Variants in MYBPC1 observed in about 807,000 individuals in gnomAD.
The protein encoded by MYBPC1 is myosin binding protein C1, also known as myosin-binding protein C, slow-type.
A neutral mutation model predicts 147.1 loss-of-function variants in MYBPC1; 52 were observed. The ratio of observed to expected loss-of-function variants is 0.35; its 90% CI spans 0.28 to 0.45. The LOEUF is 0.45. MYBPC1 is among the 20% of genes least tolerant of loss of function. The probability of loss-of-function intolerance (pLI) is 1.00; values close to 1 mark genes in which losing one functional copy is unlikely to be tolerated. For missense variants in MYBPC1, 1,228 were observed against 1,440.3 expected (o/e 0.85, Z 2.39); for synonymous variants, 477 against 475.9 (o/e 1.00, Z -0.03).
At chr12:101,646,959 GA>G (rs981668167) in intron 13 of MYBPC1, 72 bp downstream of exon 13, 3 of 1,574,880 alleles carry the variant, frequency 1.9e-6, no homozygotes, top group African/African-American at 2.7e-5. Context: ...TGATCAAAGT[GA>G]AAGTAACTGA....
chr12:101,609,488 G>T (rs1001140558), intron 1 of MYBPC1, among the ~76,000 whole-genome samples: 6 of 151,710 alleles, frequency 4.0e-5, no homozygotes, highest in African/African-American at 1.2e-4. Flanking sequence ...TCATTACGTT[G>T]CCCAGGTAGG....
intron 5 of MYBPC1, among the ~76,000 whole-genome samples, chr12:101,628,404 A>G (rs1359987620): frequency 6.6e-6 from 1 of 152,240 alleles, no homozygotes; most frequent in African/African-American, 2.4e-5. Flanking sequence ...GTTTAAAAAT[A>G]TGTAATCACA....
chr12:101,628,237 T>A (rs1308061961), intron 5 of MYBPC1: 3 of 259,974 alleles, frequency 1.2e-5, no homozygotes, highest in Non-Finnish European at 2.3e-5. Context: ...GAGGACCTAA[T>A]ATGATCCTAT....
At chr12:101,682,534 A>C (rs1456895601) in intron 29 of MYBPC1, 70 bp from the exon 30 acceptor site, 45 of 1,406,952 alleles carry the variant, frequency 3.2e-5, no homozygotes, top group Non-Finnish European at 4.2e-5. Flanking sequence ...AATCAAGTTG[A>C]GTTGTGAAAA....
chr12:101,619,690 C>T (rs139391791), intron 3 of MYBPC1, among the ~76,000 whole-genome samples: 36 of 152,276 alleles, frequency 2.4e-4, no homozygotes, highest in African/African-American at 7.7e-4. Context: ...CACTGTAAGA[C>T]CAACTTGCCT....
At chr12:101,641,942 G>A (rs1004770718) in intron 10 of MYBPC1, among the ~76,000 whole-genome samples, 1 of 151,770 alleles carries the variant, frequency 6.6e-6, no homozygotes, top group Admixed American at 6.6e-5. Context: ...TATTTGTACT[G>A]TCTCCATATT....
At chr12:101,634,820 T>A (rs938247381) in intron 9 of MYBPC1, among the ~76,000 whole-genome samples, 4 of 152,254 alleles carry the variant, frequency 2.6e-5, no homozygotes, top group Non-Finnish European at 5.9e-5. Context: ...GTTCTTGTTA[T>A]AAAGAAGTTC....
intron 1 of MYBPC1, among the ~76,000 whole-genome samples, chr12:101,605,680 G>A (rs1593613419): frequency 6.6e-6 from 1 of 152,086 alleles, no homozygotes; most frequent in Non-Finnish European, 1.5e-5. Context: ...GGCCAACATG[G>A]TGAAACCTTG....
In MYBPC1 at chr12:101,651,532, G is replaced by C. The variant is rs185836110; in HGVS notation, c.1526+139G>C. 8.8e-4 allele frequency: 968 copies of C among 1,100,358 alleles called. 2 individuals carry two copies. The highest frequency in any genetic ancestry group is 2.3e-3 in the South Asian group (174 of 76,742). The allele number at this position is 1,100,358 out of a possible 1,614,324, so 68.2% of individuals were successfully genotyped here. On this transcript the variant is annotated intron_variant, in intron 16 of 31. Coordinates refer to ENST00000361466, the MANE Select transcript of MYBPC1 (RefSeq NM_002465.4). ...ATTCCTGATTCTTCGCTTCCAACTA[G>C]CAAGAAGGTGTGATTTCTCTGTTGT...
intron 3 of MYBPC1, among the ~76,000 whole-genome samples, chr12:101,618,856 T>C (rs944182488): frequency 1.2e-5 from 1 of 81,518 alleles, no homozygotes; most frequent in Non-Finnish European, 2.3e-5. Context: ...AAAACTGCCG[T>C]GTGTGTGTGT....
At chr12:101,679,351 C>T (rs1950784196) in intron 28 of MYBPC1, among the ~76,000 whole-genome samples, 1 of 152,124 alleles carries the variant, frequency 6.6e-6, no homozygotes, top group South Asian at 2.1e-4. Context: ...AAAGATGCTA[C>T]ATTCTACCCC....
chr12:101,646,334 A>T (rs1893126251), intron 12 of MYBPC1, among the ~76,000 whole-genome samples: 1 of 152,046 alleles, frequency 6.6e-6, no homozygotes, highest in African/African-American at 2.4e-5. Context: ...GTAAGATATG[A>T]TACCTAAAGA....
intron 22 of MYBPC1, among the ~76,000 whole-genome samples, chr12:101,663,796 A>G (rs1017161235): frequency 6.6e-6 from 1 of 152,228 alleles, no homozygotes; most frequent in East Asian, 1.9e-4. Context: ...CTATAATTGA[A>G]CTAAGAGATG....
intron 1 of MYBPC1, among the ~76,000 whole-genome samples, chr12:101,614,017 T>G (rs1195918583): frequency 6.6e-6 from 1 of 152,160 alleles, no homozygotes; most frequent in Non-Finnish European, 1.5e-5. Flanking sequence ...GCACCGACCT[T>G]ACCTTAGACT....
Position 101,653,315 on chromosome 12 carries a change from C to A in MYBPC1, c.1767+67C>A, listed in dbSNP as rs1593920573. The A allele has an allele frequency of 1.9e-6, 3 of 1,577,634 alleles. No individual in the cohort carries two copies. The Admixed American group carries it at 5.2e-5, about 27-fold the overall frequency. ...ATGCAGACACACTGCCTACCCCACC[C>A]CTTGCCCTCCATTATTCAGATGAAG... On this transcript the variant is annotated intron_variant, in intron 18 of 31. Transcript: ENST00000361466.
chr12:101,599,867 T>C (rs929546885), intron 1 of MYBPC1, among the ~76,000 whole-genome samples: 2 of 152,186 alleles, frequency 1.3e-5, no homozygotes, highest in Non-Finnish European at 2.9e-5. Context: ...TCATGGCATA[T>C]ATTTGAGCTC....
intron 1 of MYBPC1, 132 bp from the exon 2 acceptor site, chr12:101,614,364 C>T: frequency 2.3e-6 from 2 of 859,118 alleles, no homozygotes; most frequent in Admixed American, 2.0e-5. Flanking sequence ...AATGTGTTTC[C>T]CTCCTCCATC....
intron 1 of MYBPC1, among the ~76,000 whole-genome samples, chr12:101,601,940 T>G (rs948923964): frequency 6.6e-6 from 1 of 152,300 alleles, no homozygotes; most frequent in Non-Finnish European, 1.5e-5. Flanking sequence ...ATGTTTAGAG[T>G]TAGATGTCTT....
intron 28 of MYBPC1, among the ~76,000 whole-genome samples, chr12:101,678,598 G>A (rs933260720): frequency 1.3e-5 from 2 of 152,178 alleles, no homozygotes; most frequent in South Asian, 4.1e-4. Context: ...CACTGTCTGC[G>A]ATAGGTTAAA....
Sources: allele counts gnomAD v4.1 joint callset (sites outside exome capture counted in the v4.1 genomes callset), GRCh38; gene constraint gnomAD v4.1.1; transcripts MANE v1.5; gene names NCBI Gene and HGNC (gene_info 2026-07-23, HGNC 2026-07-21).